The following PDE8A variants were observed in gnomAD, a reference collection of about 807,000 sequenced individuals.
The protein encoded by PDE8A is high affinity cAMP-specific and IBMX-insensitive 3',5'-cyclic phosphodiesterase 8A.
In PDE8A, 59 loss-of-function variants were observed where a neutral mutation model predicts 105.0. The observed-to-expected ratio is 0.56, with a 90% CI of 0.46 to 0.70. The LOEUF is 0.70. PDE8A is among the 30% of genes least tolerant of loss of function. The pLI, the probability that PDE8A is intolerant of heterozygous loss-of-function variation, is 0.00. For synonymous variants in PDE8A, 355 were observed against 371.9 expected (o/e 0.95, Z 0.52); for missense variants, 1,014 against 1,045.9 (o/e 0.97, Z 0.42).
At chr15:84,992,242 G>A (rs1185883380) in intron 1 of PDE8A, among the ~76,000 whole-genome samples, 1 of 152,150 alleles carries the variant, frequency 6.6e-6, no homozygotes, top group East Asian at 1.9e-4. Context: ...GGATTGTGGA[G>A]GCAAGAGCTT....
At chr15:85,106,058 G>C (rs763039876) in intron 11 of PDE8A, among the ~76,000 whole-genome samples, 1 of 152,158 alleles carries the variant, frequency 6.6e-6, no homozygotes, top group Non-Finnish European at 1.5e-5. Context: ...AGAGGATCTT[G>C]TATTTACATA....
At chr15:85,013,293 A>G (rs887053535) in intron 1 of PDE8A, among the ~76,000 whole-genome samples, 1 of 152,192 alleles carries the variant, frequency 6.6e-6, no homozygotes, top group South Asian at 2.1e-4. Flanking sequence ...GAGACTTCCT[A>G]TACCCTGCCT....
chr15:85,113,312 C>G (rs1457448803), intron 12 of PDE8A, 65 bp from the exon 13 acceptor site: 17 of 1,337,788 alleles, frequency 1.3e-5, no homozygotes, highest in African/African-American at 5.8e-5. Flanking sequence ...ACACTGAGCC[C>G]TCTGCTGTCA....
intron 17 of PDE8A, 59 bp downstream of exon 17, chr15:85,117,898 C>A: frequency 7.6e-7 from 1 of 1,313,156 alleles, no homozygotes; most frequent in Non-Finnish European, 1.1e-6. Context: ...GAGTCTAGTG[C>A]TTCTGCCTCC....
chr15:85,060,561 A>G (rs979703133), intron 1 of PDE8A, among the ~76,000 whole-genome samples: 5 of 152,252 alleles, frequency 3.3e-5, no homozygotes, highest in Admixed American at 6.5e-5. Context: ...AATATGTTAT[A>G]TAAGGTACTT....
chr15:85,016,978 T>G (rs1044483717), intron 1 of PDE8A, among the ~76,000 whole-genome samples: 5 of 151,706 alleles, frequency 3.3e-5, no homozygotes, highest in African/African-American at 1.2e-4. Flanking sequence ...AAATGAAGCC[T>G]GGGCCGGGCG....
rs1348582507 is a variant in PDE8A at position 85,117,737 on chromosome 15, T to A, written c.1632T>A (p.Ile544=). The A allele has an allele frequency of 1.2e-6, 2 of 1,613,948 alleles. No homozygotes were observed. The highest frequency in any genetic ancestry group is 1.7e-6 in the Non-Finnish European group (2 of 1,179,772). ...SESTLRSWLQ[I]IEANYHSSNP... ...CAACGCTAAGATCATGGTTACAAAT[T>A]ATCGAAGCCAATTATCATTCCTCCA... The change falls in exon 17 of 22, where the codon ATT becomes ATA. Residue 544 remains isoleucine (I), a synonymous_variant. Coordinates refer to ENST00000394553, the MANE Select transcript of PDE8A (RefSeq NM_002605.3).
chr15:85,038,216 G>GTGTGTGTGT lies in PDE8A; in HGVS notation c.187-26154_187-26153insTGTGTGTGT, dbSNP rs1567242206. 1.4e-4 allele frequency among the ~76,000 whole-genome samples: 7 copies of GTGTGTGTGT among 48,324 alleles called. 1 individual carries two copies. The highest frequency in any genetic ancestry group is 7.1e-4 in the African/African-American group (7 of 9,886). The allele number at this position is 48,324 out of a possible 152,430, so 31.7% of individuals were successfully genotyped here. On this transcript the variant is annotated intron_variant, in intron 1 of 21. Coordinates refer to ENST00000394553, the MANE Select transcript of PDE8A (RefSeq NM_002605.3). ...TCTGCAAGGCTCTCTCCAATTGGGG[G>GTGTGTGTGT]GTGTGTGTGTGTGTGTGTGTGTGTG...
In PDE8A at chr15:85,064,361, T is replaced by C; in HGVS notation, c.187-9T>C. 6.3e-7 allele frequency: 1 copy of C among 1,598,880 alleles called. No individual in the cohort carries two copies. Among genetic ancestry groups the C allele is most frequent in the Non-Finnish European group, 8.6e-7 (1 of 1,168,018 alleles). On this transcript the variant is annotated splice_polypyrimidine_tract_variant and intron_variant, in intron 1 of 21. Transcript: ENST00000394553. ...TCTTTTCATTTTTAAGCCAATCTCT[T>C]TCTTACAGGTAGCAGTAGCTGATGT... is the stretch of plus-strand genomic sequence containing the variant.
intron 1 of PDE8A, among the ~76,000 whole-genome samples, chr15:85,056,579 C>T (rs1051173043): frequency 3.9e-5 from 6 of 152,006 alleles, no homozygotes; most frequent in Non-Finnish European, 8.8e-5. Context: ...TCACTGATAC[C>T]CCTTCTTCCA....
chr15:85,119,330 A>G (rs759731827), intron 17 of PDE8A, among the ~76,000 whole-genome samples: 9 of 151,936 alleles, frequency 5.9e-5, no homozygotes, highest in Non-Finnish European at 1.0e-4. Flanking sequence ...TTAGCTGGGC[A>G]TGGTGGTGCA....
intron 8 of PDE8A, among the ~76,000 whole-genome samples, chr15:85,091,665 A>C (rs1409906678): frequency 6.6e-6 from 1 of 152,178 alleles, no homozygotes; most frequent in African/African-American, 2.4e-5. Flanking sequence ...CCTGCCTTAG[A>C]GAGCTCATAT....
intron 11 of PDE8A, among the ~76,000 whole-genome samples, chr15:85,104,226 A>T (rs2081912495): frequency 6.6e-6 from 1 of 152,166 alleles, no homozygotes; most frequent in Non-Finnish European, 1.5e-5. Context: ...TAATTTGAAT[A>T]TGCTGTGGTT....
chr15:84,982,253 C>A lies in PDE8A; in HGVS notation c.91C>A (p.Pro31Thr). 1 of 1,455,070 alleles carries A rather than the reference C, an allele frequency of 6.9e-7. No individual in the cohort carries two copies. Among genetic ancestry groups the A allele is most frequent in the Non-Finnish European group, 9.0e-7 (1 of 1,112,072 alleles). The allele number at this position is 1,455,070 out of a possible 1,614,324, so 90.1% of individuals were successfully genotyped here. Residue 31 changes from proline to threonine, a missense_variant, in exon 1 of 22, where the codon CCG becomes ACG. Physicochemically the swap from Pro to Thr is conservative, Grantham distance 38. Coordinates refer to ENST00000394553, the MANE Select transcript of PDE8A (RefSeq NM_002605.3). The part of the protein sequence containing the change: ...PAAPPLSSGG[P>T]RLPQGQKTAA... ...GGCACCGCCGCTGTCGTCCGGCGGG[C>A]CGCGCCTCCCGCAGGGCCAGAAGAC...
At chr15:84,991,753 T>G (rs775322457) in intron 1 of PDE8A, among the ~76,000 whole-genome samples, 55 of 152,214 alleles carry the variant, frequency 3.6e-4, no homozygotes, top group Non-Finnish European at 6.8e-4. Flanking sequence ...ACTTCACAGC[T>G]GTGAAAAATG....
At chr15:85,004,065 C>T (rs994576530) in intron 1 of PDE8A, among the ~76,000 whole-genome samples, 1 of 152,216 alleles carries the variant, frequency 6.6e-6, no homozygotes, top group Non-Finnish European at 1.5e-5. Context: ...CCACACTTCA[C>T]TGAAGGCTGG....
chr15:85,047,826 C>T (rs934571655), intron 1 of PDE8A, among the ~76,000 whole-genome samples: 17 of 152,140 alleles, frequency 1.1e-4, no homozygotes. Context: ...TATCTTTTCC[C>T]TCAGCTTGTG....
At chr15:85,021,036 A>G (rs2080417602) in intron 1 of PDE8A, among the ~76,000 whole-genome samples, 1 of 152,202 alleles carries the variant, frequency 6.6e-6, no homozygotes. Flanking sequence ...CAATGGTATT[A>G]AGAGGTGGGG....
intron 11 of PDE8A, among the ~76,000 whole-genome samples, chr15:85,100,668 C>T (rs916076125): frequency 3.3e-5 from 5 of 152,330 alleles, no homozygotes; most frequent in South Asian, 2.1e-4. Context: ...TTTCTTACTG[C>T]AAATGCATTT....
Sources: allele counts gnomAD v4.1 joint callset (sites outside exome capture counted in the v4.1 genomes callset), GRCh38; gene constraint gnomAD v4.1.1; transcripts MANE v1.5; gene names NCBI Gene and HGNC (gene_info 2026-07-23, HGNC 2026-07-21).